Variants in UBE2V2 observed in about 807,000 individuals in gnomAD.
The protein encoded by UBE2V2 is ubiquitin conjugating enzyme E2 V2.
Under a neutral mutation model 17.2 loss-of-function variants are expected in UBE2V2, and 9 were observed. The ratio of observed to expected loss-of-function variants is 0.52; its 90% CI spans 0.32 to 0.91. The LOEUF (loss-of-function observed/expected upper bound fraction) is 0.91. UBE2V2 is among the 40% of genes least tolerant of loss of function. UBE2V2 has a pLI of 0.04. For synonymous variants in UBE2V2, 61 were observed against 57.5 expected, an observed-to-expected ratio of 1.06 and a Z score of -0.28; for missense variants, 133 against 182.6, an observed-to-expected ratio of 0.73 and a Z score of 1.56.
At chr8:48,009,266 T>C (rs1023903276) in intron 1 of UBE2V2, among the ~76,000 whole-genome samples, 3 of 151,018 alleles carry the variant, frequency 2.0e-5, no homozygotes, top group Non-Finnish European at 4.4e-5. Context: ...TCTTTTCTTT[T>C]CTTTTTTTTT....
At chr8:48,035,398 G>A (rs918615365) in intron 1 of UBE2V2, among the ~76,000 whole-genome samples, 2 of 151,758 alleles carry the variant, frequency 1.3e-5, no homozygotes, top group African/African-American at 4.8e-5. Context: ...TGGGATTACA[G>A]GCATGAGCCA....
intron 2 of UBE2V2, among the ~76,000 whole-genome samples, chr8:48,045,478 C>G (rs760819192): frequency 5.3e-5 from 8 of 152,116 alleles, no homozygotes; most frequent in Non-Finnish European, 8.8e-5. Flanking sequence ...TGGCATAAGA[C>G]AAGACCCCTT....
intron 2 of UBE2V2, among the ~76,000 whole-genome samples, chr8:48,046,511 C>T (rs920528457): frequency 1.3e-5 from 2 of 152,238 alleles, no homozygotes; most frequent in Non-Finnish European, 2.9e-5. Flanking sequence ...CCTCGGCCTT[C>T]GCAAAGTGCT....
At chr8:48,027,545 G>C (rs1267384145) in intron 1 of UBE2V2, among the ~76,000 whole-genome samples, 1 of 152,104 alleles carries the variant, frequency 6.6e-6, no homozygotes, top group East Asian at 1.9e-4. Flanking sequence ...TGTTGTCCAG[G>C]CTGGAATGTA....
At chr8:48,010,756 G>A (rs2154506612) in intron 1 of UBE2V2, among the ~76,000 whole-genome samples, 1 of 149,198 alleles carries the variant, frequency 6.7e-6, no homozygotes, top group South Asian at 2.1e-4. Context: ...GGAGTGCAAG[G>A]GCATGATCTC....
chr8:48,043,354 T>C (rs1425654078), intron 2 of UBE2V2, 173 bp downstream of exon 2: 35 of 484,044 alleles, frequency 7.2e-5, no homozygotes, highest in Non-Finnish European at 1.0e-4. Context: ...CTCGATTACG[T>C]AGAGGATTGG....
At chr8:48,031,450 T>A (rs1433000745) in intron 1 of UBE2V2, among the ~76,000 whole-genome samples, 1 of 151,994 alleles carries the variant, frequency 6.6e-6, no homozygotes, top group Non-Finnish European at 1.5e-5. Context: ...TCCATATAGG[T>A]GGTGATTTTT....
rs549316347 is a variant in UBE2V2 at position 48,044,143 on chromosome 8, C to CTGA, written c.165+991_165+993dup. Among the ~76,000 whole-genome samples the CTGA allele has an allele frequency of 5.1e-3, 766 of 151,346 alleles. 8 individuals carry two copies. Among genetic ancestry groups the CTGA allele is most frequent in the East Asian group, 0.027 (140 of 5,144 alleles). On this transcript the variant is annotated intron_variant, in intron 2 of 3. Transcript: ENST00000523111. ...TCTTGGGTAGAGTTTAGAGTTCCTC[C>CTGA]TGATGATGATGATGATGATGATGAT...
In UBE2V2 at chr8:48,062,847, A is replaced by G. The variant is rs1373366875; in HGVS notation, c.*2019A>G. 1 of 152,184 alleles carries G rather than the reference A, an allele frequency of 6.6e-6. No homozygotes were observed. Among genetic ancestry groups the G allele is most frequent in the Non-Finnish European group, 1.5e-5 (1 of 68,028 alleles). 9.4% of individuals were successfully genotyped at this position (152,184 alleles called of 1,614,324 possible). The stretch of plus-strand genomic sequence containing the variant: ...TTAAGATGACACATAGAGAACATAC[A>G]CATACATACAAATTAGTGCATTTGT... On this transcript the variant is annotated 3_prime_UTR_variant, in exon 4 of 4. Transcript: ENST00000523111.
At chr8:48,057,125 T>C (rs2091578454) in intron 3 of UBE2V2, among the ~76,000 whole-genome samples, 1 of 152,198 alleles carries the variant, frequency 6.6e-6, no homozygotes, top group Non-Finnish European at 1.5e-5. Flanking sequence ...AAGATAAGCC[T>C]GTTCATTTCT....
In UBE2V2 at chr8:48,063,537, A is replaced by G. The variant is rs2154508432; in HGVS notation, c.*2709A>G. On this transcript the variant is annotated 3_prime_UTR_variant, in exon 4 of 4. Coordinates refer to ENST00000523111, the MANE Select transcript of UBE2V2 (RefSeq NM_003350.3). ...ATCATATACTAATAAAGATTACCAA[A>G]AGAAACTTCTTGTCCTGTTAGGTCA... 6.6e-6 allele frequency: 1 copy of G among 152,342 alleles called. No individual in the cohort carries two copies. The highest frequency in any genetic ancestry group is 2.1e-4 in the South Asian group (1 of 4,830). 9.4% of individuals were successfully genotyped at this position (152,342 alleles called of 1,614,324 possible). A position where few individuals can be genotyped will look rare whatever the true frequency, so the allele number is the denominator to read the frequency against.
At chr8:48,014,471 C>T (rs2091254334) in intron 1 of UBE2V2, among the ~76,000 whole-genome samples, 1 of 151,482 alleles carries the variant, frequency 6.6e-6, no homozygotes, top group Non-Finnish European at 1.5e-5. Context: ...CAGTGAAACC[C>T]TATCTCTACT....
rs1802633844 is a variant in UBE2V2, at chr8:48,064,360, G to A, written c.*3532G>A. Reference sequence around the variant, plus strand: ...CAAAATTCAACTCCTCAAGGTTTGGGAAAATTGTGTATTTTTTTGTATACA... The same window carrying A: ...CAAAATTCAACTCCTCAAGGTTTGGAAAAATTGTGTATTTTTTTGTATACA... On this transcript the variant is annotated 3_prime_UTR_variant, in exon 4 of 4. Coordinates refer to ENST00000523111, the MANE Select transcript of UBE2V2 (RefSeq NM_003350.3). 6.6e-6 allele frequency: 1 copy of A among 152,100 alleles called. No individual in the cohort carries two copies. Among genetic ancestry groups the A allele is most frequent in the African/African-American group, 2.4e-5 (1 of 41,414 alleles). 9.4% of individuals were successfully genotyped at this position (152,100 alleles called of 1,614,324 possible).
At chr8:48,028,613 C>T (rs2091362221) in intron 1 of UBE2V2, among the ~76,000 whole-genome samples, 1 of 152,124 alleles carries the variant, frequency 6.6e-6, no homozygotes, top group African/African-American at 2.4e-5. Context: ...GCTGGAATTA[C>T]AGGCGTGAGC....
chr8:48,061,354 T>C lies in UBE2V2; in HGVS notation c.*526T>C, dbSNP rs1056955926. ...ATTGTTTTGATACCTGTATTTATAA[T>C]AAAAAATGTTGGGGGGAGTTGATGA... On this transcript the variant is annotated 3_prime_UTR_variant, in exon 4 of 4. Transcript: ENST00000523111. The C allele has an allele frequency of 6.6e-5, 10 of 152,624 alleles. No homozygotes were observed. The highest frequency in any genetic ancestry group is 2.4e-4 in the African/African-American group (10 of 41,460). The allele number at this position is 152,624 out of a possible 1,614,324, so 9.5% of individuals were successfully genotyped here. A position where few individuals can be genotyped will look rare whatever the true frequency, so the allele number is the denominator to read the frequency against.
At chr8:48,039,935 G>A (rs2091450216) in intron 1 of UBE2V2, among the ~76,000 whole-genome samples, 1 of 151,862 alleles carries the variant, frequency 6.6e-6, no homozygotes, top group South Asian at 2.1e-4. Flanking sequence ...TTGCCATGTT[G>A]CCCAGGCTGG....
In UBE2V2 at chr8:48,016,255, A is replaced by G. The variant is rs562380210; in HGVS notation, c.16+7785A>G. 2.9e-3 allele frequency among the ~76,000 whole-genome samples: 441 copies of G among 152,242 alleles called. 3 individuals carry two copies. Among genetic ancestry groups the G allele is most frequent in the African/African-American group, 0.01 (432 of 41,552 alleles). ...ATTCTATATCTTGCATATTTTGAGTAGTGCTGCAATAAAATGGGAGTGCAG... is the reference window on the plus strand; with the variant it reads ...ATTCTATATCTTGCATATTTTGAGTGGTGCTGCAATAAAATGGGAGTGCAG... On this transcript the variant is annotated intron_variant, in intron 1 of 3. Transcript: ENST00000523111.
chr8:48,000,623 C>T, the UBE2V2 span, among the ~76,000 whole-genome samples: 1 of 151,694 alleles, frequency 6.6e-6, no homozygotes, highest in Non-Finnish European at 1.5e-5. Context: ...AGATAGAGAC[C>T]ATCCTGGCTA....
At position 48,060,698 on chromosome 8, in the gene UBE2V2, T is replaced by C; in HGVS notation, c.308T>C (p.Ile103Thr). The change falls in exon 4 of 4, where the codon ATA becomes ACA. Residue 103 changes from isoleucine to threonine, a missense_variant. Physicochemically the swap from Ile to Thr is moderately conservative, Grantham distance 89. Around this residue, in one of 3 missense-constraint regions of UBE2V2, gnomAD observed 92 missense variants for 124.3 expected, o/e 0.74. Transcript: ENST00000523111. ...NSSGMVDARS[I>T]PVLAKWQNSY... ...CCCTTTCAGGTGGATGCCCGGAGCA[T>C]ACCAGTGTTAGCAAAATGGCAAAAT... 1 of 1,519,082 alleles carries C rather than the reference T, an allele frequency of 6.6e-7. No homozygotes were observed. Among genetic ancestry groups the C allele is most frequent in the Non-Finnish European group, 8.8e-7 (1 of 1,134,828 alleles). 94.1% of individuals were successfully genotyped at this position (1,519,082 alleles called of 1,614,324 possible).
Sources: allele counts gnomAD v4.1 joint callset (sites outside exome capture counted in the v4.1 genomes callset), GRCh38; gene constraint gnomAD v4.1.1; regional missense constraint gnomAD v4.1.1; transcripts MANE v1.5; gene names NCBI Gene and HGNC (gene_info 2026-07-23, HGNC 2026-07-21).